TOP3B: variants seen among roughly 807,000 people sequenced by gnomAD.
TOP3B encodes DNA topoisomerase III beta.
Under a neutral mutation model 93.9 loss-of-function variants are expected in TOP3B, and 45 were observed. That is an observed-to-expected ratio of 0.48 (90% CI 0.38 to 0.61). TOP3B has a LOEUF of 0.61. Among genes scored for constraint, TOP3B ranks in the 20% least tolerant of loss-of-function variants. The pLI is 0.00. For synonymous variants in TOP3B, 357 were observed against 472.6 expected (o/e 0.76, Z 3.17); for missense variants, 750 against 1,156.1 (o/e 0.65, Z 5.09).
At chr22:21,972,875 A>T in intron 3 of TOP3B, 157 bp from the exon 4 acceptor site, 1 of 648,852 alleles carries the variant, frequency 1.5e-6, no homozygotes, top group Admixed American at 2.4e-5. Flanking sequence ...CAGAGCCAGG[A>T]TGTGGGTTCA....
At chr22:21,969,566 A>T (rs567437834) in intron 6 of TOP3B, 7 of 152,266 alleles carry the variant, frequency 4.6e-5, no homozygotes, top group African/African-American at 1.7e-4. Flanking sequence ...GTGCCACTGC[A>T]CTCCAGCCTG....
intron 17 of TOP3B, 126 bp downstream of exon 17, chr22:21,958,366 G>A: frequency 1.3e-6 from 2 of 1,538,736 alleles, no homozygotes; most frequent in Non-Finnish European, 1.8e-6. Context: ...TCTCGTCTCA[G>A]TGCCAATGAG....
At chr22:21,962,061 G>C (rs989627347) in intron 13 of TOP3B, 76 of 1,146,810 alleles carry the variant, frequency 6.6e-5, no homozygotes, top group Middle Eastern at 3.8e-4. Flanking sequence ...CCTGTCACCT[G>C]ATTTCAGGAC....
In TOP3B at chr22:21,970,133, A is replaced by C; in HGVS notation, c.581+77T>G. On this transcript the variant is annotated intron_variant, in intron 6 of 17. Transcript: ENST00000357179. The surrounding 1 kb of genome is among the most constrained non-coding windows in gnomAD (Gnocchi z 4.4). ...GCTCGAGGAGGCCTAGGGGCCCCGG[A>C]GGGGGACCAGTAGAGGCAGGTCTCT... The C allele has an allele frequency of 1.3e-6, 2 of 1,547,018 alleles. No individual in the cohort carries two copies. The highest frequency in any genetic ancestry group is 1.7e-6 in the Non-Finnish European group (2 of 1,144,192).
chr22:21,976,248 G>C (rs1391430250), intron 1 of TOP3B: 3 of 152,340 alleles, frequency 2.0e-5, no homozygotes, highest in Non-Finnish European at 4.4e-5. Flanking sequence ...GCACTTGGAC[G>C]CCCCAGGACA....
At chr22:21,972,007 G>A (rs765479471) in intron 4 of TOP3B, 56 bp from the exon 5 acceptor site, 85 of 1,476,336 alleles carry the variant, frequency 5.8e-5, no homozygotes, top group Non-Finnish European at 7.0e-5. Flanking sequence ...TGTGCCACCC[G>A]CCCCCAGTGC....
chr22:21,968,125 C>T (rs926917049), intron 7 of TOP3B: 6 of 257,078 alleles, frequency 2.3e-5, no homozygotes, highest in South Asian at 5.3e-5. Context: ...TGCAGTGGCA[C>T]GATCGTAGCT....
chr22:21,979,922 CAG>C (rs2084588557), intron 1 of TOP3B, among the ~76,000 whole-genome samples: 1 of 113,464 alleles, frequency 8.8e-6, no homozygotes, highest in African/African-American at 3.5e-5. Flanking sequence ...GCCTGGGCGA[CAG>C]AGTGAGACTC....
intron 1 of TOP3B, chr22:21,976,027 T>A: frequency 4.9e-6 from 1 of 202,674 alleles, no homozygotes; most frequent in Non-Finnish European, 9.9e-6. Context: ...GTGGCTCCAT[T>A]TGGGGGAAGG....
At chr22:21,968,061 C>G (rs911884709) in intron 7 of TOP3B, 5 of 317,088 alleles carry the variant, frequency 1.6e-5, no homozygotes, top group Non-Finnish European at 2.4e-5. Context: ...TCCCAAGCCC[C>G]GTGTCAGCCA....
chr22:21,959,498 T>C, intron 15 of TOP3B, 89 bp downstream of exon 15: 1 of 1,521,902 alleles, frequency 6.6e-7, no homozygotes, highest in Non-Finnish European at 8.8e-7. Context: ...TGGGAGCTGG[T>C]CCCACGTGGG....
intron 4 of TOP3B, 189 bp from the exon 5 acceptor site, chr22:21,972,140 T>C: frequency 1.8e-6 from 1 of 557,876 alleles, no homozygotes; most frequent in Admixed American, 3.4e-5. Flanking sequence ...ATTGAGTTTA[T>C]AATTGATGTT....
chr22:21,969,853 A>G, intron 6 of TOP3B: 1 of 187,874 alleles, frequency 5.3e-6, no homozygotes, highest in Non-Finnish European at 1.1e-5. Context: ...CCTGGGAGGC[A>G]GAGGTTGCAG....
intron 16 of TOP3B, 67 bp from the exon 17 acceptor site, chr22:21,958,760 C>T (rs1034076235): frequency 1.3e-6 from 2 of 1,494,640 alleles, no homozygotes; most frequent in Admixed American, 2.2e-5. Flanking sequence ...CACCCCCACT[C>T]CTCTCATAAT....
chr22:21,980,381 G>A (rs892733070), intron 1 of TOP3B, among the ~76,000 whole-genome samples: 1 of 152,150 alleles, frequency 6.6e-6, no homozygotes, highest in Non-Finnish European at 1.5e-5. Flanking sequence ...GTTCAGAAAG[G>A]ATGCCAAAGG....
At chr22:21,967,500 G>T (rs2071459095) in intron 8 of TOP3B, 103 bp downstream of exon 8, 3 of 862,004 alleles carry the variant, frequency 3.5e-6, no homozygotes, top group Admixed American at 2.0e-5. Flanking sequence ...GAAAGGGGGA[G>T]AAAGACGTGG....
In TOP3B at chr22:21,975,805, C is replaced by T. The variant is rs2071843508; in HGVS notation, c.-96G>A. On this transcript the variant is annotated splice_region_variant and 5_prime_UTR_variant, in exon 2 of 18. Transcript: ENST00000357179. ...AGCACAGCACTATTACCAATGCTGA[C>T]TCCTAAAGAGAAGAAAAGACACTCA... is the stretch of plus-strand genomic sequence containing the variant. 1 of 1,418,430 alleles carries T rather than the reference C, an allele frequency of 7.1e-7. No homozygotes were observed. Among genetic ancestry groups the T allele is most frequent in the Admixed American group, 2.3e-5 (1 of 42,910 alleles). 87.9% of individuals were successfully genotyped at this position (1,418,430 alleles called of 1,614,324 possible).
chr22:21,973,328 G>A (rs1356578853), intron 3 of TOP3B: 1 of 156,390 alleles, frequency 6.4e-6, no homozygotes, highest in Non-Finnish European at 1.4e-5. Flanking sequence ...CCAGGATGAA[G>A]TACAGTGATA....
Position 21,970,652 on chromosome 22 carries a change from A to G in TOP3B, c.385-246T>C. On this transcript the variant is annotated intron_variant, in intron 5 of 17. Coordinates refer to ENST00000357179, the MANE Select transcript of TOP3B (RefSeq NM_001282112.2). The surrounding 1 kb of genome is among the most constrained non-coding windows in gnomAD (Gnocchi z 4.4). The stretch of plus-strand genomic sequence containing the variant: ...CATGGCTTCCTTTACTCCCATCTAG[A>G]AACATACTCGAACACTCCCTTCTTA... 1 of 550,778 alleles carries G rather than the reference A, an allele frequency of 1.8e-6. No individual in the cohort carries two copies. The highest frequency in any genetic ancestry group is 3.3e-6 in the Non-Finnish European group (1 of 305,580). The allele number at this position is 550,778 out of a possible 1,614,324, so 34.1% of individuals were successfully genotyped here.
Sources: allele counts gnomAD v4.1 joint callset (sites outside exome capture counted in the v4.1 genomes callset), GRCh38; gene constraint gnomAD v4.1.1; non-coding constraint Gnocchi (gnomAD v3.1); transcripts MANE v1.5; gene names NCBI Gene and HGNC (gene_info 2026-07-23, HGNC 2026-07-21).